The following NIPAL2 variants were observed in gnomAD, a reference collection of about 807,000 sequenced individuals.
The protein encoded by NIPAL2 is NIPA-like protein 2.
A neutral mutation model predicts 48.9 loss-of-function variants in NIPAL2; 43 were observed. That is an observed-to-expected ratio of 0.88 (90% CI 0.69 to 1.13). NIPAL2 has a LOEUF of 1.13. Ranked by LOEUF, NIPAL2 falls within the 50% of genes most tolerant of loss-of-function variation. The pLI is 0.00. For synonymous variants in NIPAL2, 167 were observed against 174.6 expected (o/e 0.96, Z 0.34); for missense variants, 446 against 461.4 (o/e 0.97, Z 0.31).
chr8:98,264,626 A>G (rs1167414074), intron 1 of NIPAL2, among the ~76,000 whole-genome samples: 2 of 150,662 alleles, frequency 1.3e-5, no homozygotes, highest in African/African-American at 4.9e-5. Context: ...CAAGGAAATA[A>G]AAGAGGATAC....
At chr8:98,250,917 T>C (rs1049217889) in intron 3 of NIPAL2, among the ~76,000 whole-genome samples, 8 of 152,290 alleles carry the variant, frequency 5.3e-5, no homozygotes, top group Non-Finnish European at 1.0e-4. Flanking sequence ...CCTGAAGTGC[T>C]GAAAACTGCC....
intron 4 of NIPAL2, among the ~76,000 whole-genome samples, chr8:98,230,600 A>G (rs1303434444): frequency 6.6e-6 from 1 of 152,188 alleles, no homozygotes; most frequent in Non-Finnish European, 1.5e-5. Flanking sequence ...GGAATATTTT[A>G]TATTTTGGGA....
chr8:98,197,372 TA>T (rs1467724656), intron 8 of NIPAL2, among the ~76,000 whole-genome samples: 2 of 152,260 alleles, frequency 1.3e-5, no homozygotes, highest in Non-Finnish European at 2.9e-5. Context: ...CAGTGAGTCC[TA>T]TCTTTTTGCT....
rs567087551 is a variant in NIPAL2, at chr8:98,213,951, A to G, written c.559-1450T>C. Reference sequence around the variant, plus strand: ...TCTTACCTACTCTTTTTGCCACCCAATCTCTGGTGCCTGGCATACAGTCGG... The same window carrying G: ...TCTTACCTACTCTTTTTGCCACCCAGTCTCTGGTGCCTGGCATACAGTCGG... On this transcript the variant is annotated intron_variant, in intron 5 of 10. Transcript: ENST00000430223. Among the ~76,000 whole-genome samples the G allele has an allele frequency of 7.2e-5, 11 of 152,190 alleles. No individual in the cohort carries two copies. In the South Asian group the frequency reaches 1.7e-3, roughly 23 times the overall value.
intron 1 of NIPAL2, among the ~76,000 whole-genome samples, chr8:98,257,096 T>C (rs972117248): frequency 6.6e-6 from 1 of 152,146 alleles, no homozygotes; most frequent in African/African-American, 2.4e-5. Flanking sequence ...AAAGTTAACC[T>C]GAAAAACTAA....
chr8:98,235,497 C>T (rs975454336), intron 4 of NIPAL2, among the ~76,000 whole-genome samples: 5 of 152,116 alleles, frequency 3.3e-5, no homozygotes, highest in Non-Finnish European at 7.4e-5. Flanking sequence ...TTAGTTGATG[C>T]ATCAAATTTT....
At chr8:98,257,228 AC>A (rs1304649099) in intron 1 of NIPAL2, among the ~76,000 whole-genome samples, 4 of 152,144 alleles carry the variant, frequency 2.6e-5, no homozygotes, top group Non-Finnish European at 4.4e-5. Context: ...GACAAAACAG[AC>A]TTTTTATAGC....
intron 1 of NIPAL2, among the ~76,000 whole-genome samples, chr8:98,260,673 A>C (rs904786962): frequency 7.2e-5 from 11 of 152,216 alleles, no homozygotes; most frequent in Non-Finnish European, 1.6e-4. Flanking sequence ...GTCTGAGATC[A>C]AACTGCAAGG....
At chr8:98,226,478 T>C (rs1812177922) in intron 4 of NIPAL2, among the ~76,000 whole-genome samples, 1 of 152,188 alleles carries the variant, frequency 6.6e-6, no homozygotes, top group African/African-American at 2.4e-5. Flanking sequence ...TTCTTGCAGA[T>C]TTGTAGAGGT....
chr8:98,280,761 T>TATATATATATATATATATATAGAGAGAG, intron 1 of NIPAL2, among the ~76,000 whole-genome samples: 29 of 30,014 alleles, frequency 9.7e-4, no homozygotes, highest in African/African-American at 1.8e-3. Context: ...TATATATATA[T>TATATATATATATATATATATAGAGAGAG]AGAGAGAGAG....
At chr8:98,264,634 TACAA>T (rs1222856216) in intron 1 of NIPAL2, among the ~76,000 whole-genome samples, 1 of 149,678 alleles carries the variant, frequency 6.7e-6, no homozygotes, top group Admixed American at 6.7e-5. Context: ...TAAAAGAGGA[TACAA>T]ACAAATGGAA....
chr8:98,231,049 T>A (rs1211583342), intron 4 of NIPAL2, among the ~76,000 whole-genome samples: 1 of 152,240 alleles, frequency 6.6e-6, no homozygotes, highest in Non-Finnish European at 1.5e-5. Context: ...CCCTGCAGTA[T>A]GTCTCCTGGT....
At chr8:98,231,036 G>C (rs1812415823) in intron 4 of NIPAL2, among the ~76,000 whole-genome samples, 1 of 152,096 alleles carries the variant, frequency 6.6e-6, no homozygotes, top group Admixed American at 6.5e-5. Flanking sequence ...TAATCCCTTT[G>C]GTCCCTGCAG....
rs370711409 is a variant in NIPAL2, at chr8:98,229,932, T to A, written c.436+6223A>T. Among the ~76,000 whole-genome samples the A allele has an allele frequency of 3.3e-4, 51 of 152,366 alleles. 3 individuals are homozygous for A. The East Asian group carries it at 3.9e-3, about 12-fold the overall frequency. ...TACAACTTATACTACACATAAGTTG[T>A]ATAGTATATGACATATAATATGAAT... On this transcript the variant is annotated intron_variant, in intron 4 of 10. Coordinates refer to ENST00000430223, the MANE Select transcript of NIPAL2 (RefSeq NM_001321635.2).
At chr8:98,288,407 A>C (rs563693012) in intron 1 of NIPAL2, among the ~76,000 whole-genome samples, 1,725 of 151,574 alleles carry the variant, frequency 0.011, 17 homozygotes, top group Non-Finnish European at 0.016. Flanking sequence ...TCCATGGTGT[A>C]TATATGCCAC....
intron 1 of NIPAL2, among the ~76,000 whole-genome samples, chr8:98,278,219 T>C (rs1215345993): frequency 6.6e-6 from 1 of 151,970 alleles, no homozygotes; most frequent in Admixed American, 6.6e-5. Context: ...TTCTTTATCA[T>C]GGTTTTTTGT....
rs150923531 is a variant in NIPAL2, at chr8:98,272,013, G to T, written c.136-17926C>A. Among the ~76,000 whole-genome samples the T allele has an allele frequency of 8.1e-3, 1,224 of 152,046 alleles. 11 individuals are homozygous for T. The highest frequency in any genetic ancestry group is 0.011 in the Non-Finnish European group (721 of 67,966). Reference sequence around the variant, plus strand: ...GAATCACATTTACTGATTTGAGTATGTTGAACCAAATTTGCACCCCAGGAA... The same window carrying T: ...GAATCACATTTACTGATTTGAGTATTTTGAACCAAATTTGCACCCCAGGAA... On this transcript the variant is annotated intron_variant, in intron 1 of 10. Coordinates refer to ENST00000430223, the MANE Select transcript of NIPAL2 (RefSeq NM_001321635.2).
intron 3 of NIPAL2, among the ~76,000 whole-genome samples, chr8:98,237,137 T>C (rs148452194): frequency 0.024 from 3,703 of 152,036 alleles, 167 homozygotes; most frequent in Admixed American, 0.12. Flanking sequence ...CATAACTCAC[T>C]GCAACATTGG....
intron 1 of NIPAL2, among the ~76,000 whole-genome samples, chr8:98,273,525 C>T (rs947935505): frequency 3.9e-5 from 6 of 152,024 alleles, no homozygotes; most frequent in African/African-American, 1.4e-4. Context: ...ATGTGAATTA[C>T]ATTTCAATAA....
Sources: allele counts gnomAD v4.1 joint callset (sites outside exome capture counted in the v4.1 genomes callset), GRCh38; gene constraint gnomAD v4.1.1; transcripts MANE v1.5; gene names NCBI Gene and HGNC (gene_info 2026-07-23, HGNC 2026-07-21).